The following KLHL31 variants were observed in gnomAD, a reference collection of about 807,000 sequenced individuals.
KLHL31 encodes the protein kelch like family member 31.
KLHL31 carries 32 observed loss-of-function variants against 47.1 expected under a neutral mutation model. The observed-to-expected ratio is 0.68, with a 90% CI of 0.51 to 0.91. KLHL31 has a LOEUF of 0.91. KLHL31 is among the 40% of genes least tolerant of loss of function. KLHL31 has a pLI of 0.00. For synonymous variants in KLHL31, 330 were observed against 325.1 expected, an observed-to-expected ratio of 1.01 and a Z score of -0.16; for missense variants, 797 against 819.3, an observed-to-expected ratio of 0.97 and a Z score of 0.33.
chr6:53,659,899 C>T (rs754855103), intron 1 of KLHL31, among the ~76,000 whole-genome samples: 3 of 152,284 alleles, frequency 2.0e-5, no homozygotes, highest in East Asian at 1.9e-4. Context: ...CTTCTCTTTC[C>T]TCCATTGCCT....
intron 1 of KLHL31, among the ~76,000 whole-genome samples, chr6:53,657,760 A>C (rs1764585511): frequency 6.6e-6 from 1 of 151,952 alleles, no homozygotes. Context: ...GTAATTTTGT[A>C]GCCCTTCTAT....
chr6:53,661,631 T>C (rs1764647319), intron 1 of KLHL31, among the ~76,000 whole-genome samples: 1 of 152,204 alleles, frequency 6.6e-6, no homozygotes, highest in South Asian at 2.1e-4. Context: ...TAATAGAAGA[T>C]GGCTGGAAAA....
At position 53,652,042 on chromosome 6, in the gene KLHL31, G is replaced by A; in HGVS notation, c.1461C>T (p.Asp487=). ...NAYSRSVCAY[D]PASDSWQELP... is the part of the protein sequence containing the mutation. The stretch of plus-strand genomic sequence containing the variant: ...GCTCCTGCCACGAGTCGCTGGCCGG[G>A]TCGTAGGCGCACACAGAGCGCGAGT... The change falls in exon 3 of 3, where the codon GAC becomes GAT. Residue 487 remains aspartate (D), a synonymous_variant. Coordinates refer to ENST00000370905, the MANE Select transcript of KLHL31 (RefSeq NM_001003760.5). 1 of 1,593,808 alleles carries A rather than the reference G, an allele frequency of 6.3e-7. No homozygotes were observed. Among genetic ancestry groups the A allele is most frequent in the Non-Finnish European group, 8.5e-7 (1 of 1,175,942 alleles).
At chr6:53,660,724 G>A (rs1032054184) in intron 1 of KLHL31, among the ~76,000 whole-genome samples, 3 of 152,228 alleles carry the variant, frequency 2.0e-5, no homozygotes, top group African/African-American at 7.2e-5. Flanking sequence ...TGAGGCAGGA[G>A]AATCACTTGA....
chr6:53,654,260 T>C lies in KLHL31; in HGVS notation c.1013A>G (p.Tyr338Cys), dbSNP rs746951413. Residue 338 changes from tyrosine to cysteine, a missense_variant, in exon 2 of 3, where the codon TAT (tyrosine) becomes TGT (cysteine). Coordinates refer to ENST00000370905, the MANE Select transcript of KLHL31 (RefSeq NM_001003760.5). ...TEKSLSRDIL[Y>C]RDPENGWSKL... ...GCTCCATCCATTTTCAGGGTCTCTA[T>C]ACAAGATGTCTCTGCTAAGGGACTT... 1.9e-6 allele frequency: 3 copies of C among 1,614,204 alleles called. No individual in the cohort carries two copies. Among genetic ancestry groups the C allele is most frequent in the Non-Finnish European group, 2.5e-6 (3 of 1,180,030 alleles).
At chr6:53,659,804 AGAGT>A (rs1284722760) in intron 1 of KLHL31, among the ~76,000 whole-genome samples, 7 of 152,318 alleles carry the variant, frequency 4.6e-5, no homozygotes, top group African/African-American at 1.7e-4. Flanking sequence ...CCAGGAAGAG[AGAGT>A]GCAACTTGAG....
intron 1 of KLHL31, among the ~76,000 whole-genome samples, chr6:53,661,693 T>C (rs539260328): frequency 5.9e-5 from 9 of 152,192 alleles, no homozygotes; most frequent in Non-Finnish European, 1.0e-4. Context: ...CATATTAACA[T>C]GTAGTCAGAG....
In KLHL31 at chr6:53,652,437, C is replaced by G. The variant is rs568843780; in HGVS notation, c.1173-107G>C. On this transcript the variant is annotated intron_variant, in intron 2 of 2. Coordinates refer to ENST00000370905, the MANE Select transcript of KLHL31 (RefSeq NM_001003760.5). Reference sequence around the variant, plus strand: ...GCCTGACACTACCCCTGCAAGGAGGCGAGGGACCTGGCCCAGCACCTCACC... The same window carrying G: ...GCCTGACACTACCCCTGCAAGGAGGGGAGGGACCTGGCCCAGCACCTCACC... 9.2e-6 allele frequency: 13 copies of G among 1,408,036 alleles called. No individual in the cohort carries two copies. In the East Asian group the frequency reaches 3.0e-4, roughly 32 times the overall value. The allele number at this position is 1,408,036 out of a possible 1,614,324, so 87.2% of individuals were successfully genotyped here. A position where few individuals can be genotyped will look rare whatever the true frequency, so the allele number is the denominator to read the frequency against.
rs1764517528 is a variant in KLHL31, at chr6:53,654,153, C to T, written c.1120G>A (p.Asp374Asn). 2 of 1,613,300 alleles carry T rather than the reference C, an allele frequency of 1.2e-6. No homozygotes were observed. Among genetic ancestry groups the T allele is most frequent in the Non-Finnish European group, 8.5e-7 (1 of 1,179,702 alleles). ...DGFLYVAGGEDQNDARNQAKH... is the reference protein window; with the variant it reads ...DGFLYVAGGENQNDARNQAKH... ...GCTTGATTTCTTGCATCATTCTGGT[C>T]TTCACCACCGGCTACATAAAGAAAT... is the stretch of plus-strand genomic sequence containing the variant. The change falls in exon 2 of 3, where the codon GAC (aspartate) becomes AAC (asparagine). Residue 374 changes from aspartate (D) to asparagine (N), a missense_variant. Asp to Asn is a conservative substitution (Grantham distance 23, BLOSUM62 1). Coordinates refer to ENST00000370905, the MANE Select transcript of KLHL31 (RefSeq NM_001003760.5).
intron 1 of KLHL31, among the ~76,000 whole-genome samples, chr6:53,656,633 A>G (rs934979364): frequency 3.3e-5 from 5 of 152,156 alleles, no homozygotes; most frequent in Non-Finnish European, 4.4e-5. Context: ...TTGTAATGGC[A>G]GCATTAGGTC....
Position 53,664,332 on chromosome 6 carries a change from G to T in KLHL31, c.-34+1269C>A, listed in dbSNP as rs59103266. ...GACCTGACTTGTATCTGGCATTCCT[G>T]ATCAGGGCTGGGTATCAGGTGAGTC... On this transcript the variant is annotated intron_variant, in intron 1 of 2. Coordinates refer to ENST00000370905, the MANE Select transcript of KLHL31 (RefSeq NM_001003760.5). Among the ~76,000 whole-genome samples, 543 of 152,254 alleles carry T rather than the reference G, an allele frequency of 3.6e-3. 3 individuals carry two copies. Among genetic ancestry groups the T allele is most frequent in the African/African-American group, 0.013 (522 of 41,544 alleles).
chr6:53,651,985 G>A lies in KLHL31; in HGVS notation c.1518C>T (p.His506=). ...CTCTGTCGCTCAGCGTGACCGCGCA[G>A]TGCCAGCCCCGGGGTGTGCTGAGGT... ...LPNLSTPRGW[H]CAVTLSDRVY... The change falls in exon 3 of 3, where the codon CAC becomes CAT. Residue 506 remains histidine, a synonymous_variant. Coordinates refer to ENST00000370905, the MANE Select transcript of KLHL31 (RefSeq NM_001003760.5). 3.8e-6 allele frequency: 6 copies of A among 1,592,710 alleles called. No homozygotes were observed. Among genetic ancestry groups the A allele is most frequent in the Non-Finnish European group, 5.1e-6 (6 of 1,175,724 alleles).
intron 1 of KLHL31, among the ~76,000 whole-genome samples, chr6:53,661,327 T>C (rs1255040164): frequency 6.6e-6 from 1 of 152,036 alleles, no homozygotes; most frequent in Non-Finnish European, 1.5e-5. Flanking sequence ...AGGAAAGGCT[T>C]CAACAAACTC....
intron 1 of KLHL31, among the ~76,000 whole-genome samples, chr6:53,662,443 T>C (rs930841306): frequency 5.3e-5 from 8 of 152,180 alleles, no homozygotes; most frequent in Non-Finnish European, 1.0e-4. Context: ...GCACTGCCAG[T>C]CCCTTCCCTT....
rs138039092 is a variant in KLHL31 at position 53,657,168 on chromosome 6, G to A, written c.-33-1863C>T. ...TGCCCAGGCTGGTCTCAAACTCCTG[G>A]GCTCAAGCAATCCACCTGTCTTGGC... is the stretch of plus-strand genomic sequence containing the variant. On this transcript the variant is annotated intron_variant, in intron 1 of 2. Coordinates refer to ENST00000370905, the MANE Select transcript of KLHL31 (RefSeq NM_001003760.5). Among the ~76,000 whole-genome samples the A allele has an allele frequency of 7.6e-3, 1,148 of 152,016 alleles. 9 individuals carry two copies. The highest frequency in any genetic ancestry group is 0.026 in the African/African-American group (1,080 of 41,488).
intron 1 of KLHL31, among the ~76,000 whole-genome samples, chr6:53,663,606 T>C (rs766096682): frequency 4.6e-5 from 7 of 152,254 alleles, no homozygotes; most frequent in Non-Finnish European, 1.0e-4. Context: ...CTAGAGGCTG[T>C]GCCTAACTTT....
chr6:53,651,972 G>C lies in KLHL31; in HGVS notation c.1531C>G (p.Leu511Val), dbSNP rs757012359. Residue 511 changes from leucine to valine, a missense_variant, in exon 3 of 3, where the codon CTG becomes GTG. Leu to Val is a conservative substitution (Grantham distance 32). Coordinates refer to ENST00000370905, the MANE Select transcript of KLHL31 (RefSeq NM_001003760.5). ...CCCATCACGTACACTCTGTCGCTCA[G>C]CGTGACCGCGCAGTGCCAGCCCCGG... ...TPRGWHCAVTLSDRVYVMGGS... is the reference protein window; with the variant it reads ...TPRGWHCAVTVSDRVYVMGGS... 1.9e-5 allele frequency: 31 copies of C among 1,592,754 alleles called. No individual in the cohort carries two copies. Among genetic ancestry groups the C allele is most frequent in the East Asian group, 1.1e-4 (5 of 44,496 alleles).
chr6:53,648,850 C>T lies in KLHL31; in HGVS notation c.*2748G>A, dbSNP rs1364703136. The T allele has an allele frequency of 1.3e-5, 2 of 152,080 alleles. No homozygotes were observed. Among genetic ancestry groups the T allele is most frequent in the Admixed American group, 6.5e-5 (1 of 15,274 alleles). 9.4% of individuals were successfully genotyped at this position (152,080 alleles called of 1,614,324 possible). A position where few individuals can be genotyped will look rare whatever the true frequency, so the allele number is the denominator to read the frequency against. The stretch of plus-strand genomic sequence containing the variant: ...GGAGACTTTCTCATCAGGTCTCTGG[C>T]CCATTTAGAAAAAGAGAGCTTGAAT... On this transcript the variant is annotated 3_prime_UTR_variant, in exon 3 of 3. Transcript: ENST00000370905.
chr6:53,649,672 G>C lies in KLHL31; in HGVS notation c.*1926C>G, dbSNP rs1764438235. ...GATGTCAATGGGAACACATCTATTGGTGTGCATCAAGGAATTACATCTATT... is the reference window on the plus strand; with the variant it reads ...GATGTCAATGGGAACACATCTATTGCTGTGCATCAAGGAATTACATCTATT... On this transcript the variant is annotated 3_prime_UTR_variant, in exon 3 of 3. Transcript: ENST00000370905. 6.6e-6 allele frequency: 1 copy of C among 152,070 alleles called. No homozygotes were observed. The highest frequency in any genetic ancestry group is 2.4e-5 in the African/African-American group (1 of 41,426). The allele number at this position is 152,070 out of a possible 1,614,324, so 9.4% of individuals were successfully genotyped here. A position where few individuals can be genotyped will look rare whatever the true frequency, so the allele number is the denominator to read the frequency against.
Sources: gnomAD v4.1 joint callset for allele counts (sites outside exome capture counted in the v4.1 genomes callset) on GRCh38, gnomAD v4.1.1 for gene constraint, MANE v1.5 for transcripts, NCBI Gene and HGNC (gene_info 2026-07-23, HGNC 2026-07-21) for gene names.